Variants in RBMS2 observed in about 807,000 individuals in gnomAD.
RBMS2 encodes RNA binding motif single stranded interacting protein 2.
RBMS2 carries 38 observed loss-of-function variants against 58.4 expected under a neutral mutation model. The observed-to-expected ratio is 0.65, with a 90% CI of 0.50 to 0.85. The LOEUF (loss-of-function observed/expected upper bound fraction) is 0.85, where lower values mean the gene tolerates loss of function less well. Among genes scored for constraint, RBMS2 ranks in the 40% least tolerant of loss-of-function variants. The probability of loss-of-function intolerance (pLI) is 0.00; values close to 1 mark genes in which losing one functional copy is unlikely to be tolerated. For missense variants in RBMS2, 367 were observed against 503.7 expected (o/e 0.73, Z 2.60); for synonymous variants, 151 against 180.7 (o/e 0.84, Z 1.32).
chr12:56,574,195 A>G (rs1015834952), intron 5 of RBMS2, among the ~76,000 whole-genome samples: 1 of 152,194 alleles, frequency 6.6e-6, no homozygotes, highest in African/African-American at 2.4e-5. Context: ...CATGGTCCAT[A>G]CAGCTTAAGA....
chr12:56,568,826 G>C, intron 2 of RBMS2, 149 bp from the exon 3 acceptor site: 2 of 665,192 alleles, frequency 3.0e-6, no homozygotes, highest in Non-Finnish European at 5.0e-6. Context: ...TACTGCACCC[G>C]GCCCCCGTTT....
intron 1 of RBMS2, among the ~76,000 whole-genome samples, chr12:56,544,128 T>C (rs1193597175): frequency 6.6e-6 from 1 of 151,252 alleles, no homozygotes; most frequent in African/African-American, 2.4e-5. Flanking sequence ...ATACAAAAAT[T>C]AGCCAGGCGT....
intron 1 of RBMS2, among the ~76,000 whole-genome samples, chr12:56,559,416 G>A (rs1053303308): frequency 7.3e-5 from 11 of 151,184 alleles, no homozygotes; most frequent in African/African-American, 2.7e-4. Flanking sequence ...TCCATCTCCT[G>A]ACCTCGTGAT....
chr12:56,591,143 C>T lies in RBMS2; in HGVS notation c.*2010C>T, dbSNP rs968383878. 2.6e-5 allele frequency: 4 copies of T among 152,218 alleles called. No homozygotes were observed. Among genetic ancestry groups the T allele is most frequent in the African/African-American group, 9.7e-5 (4 of 41,430 alleles). The allele number at this position is 152,218 out of a possible 1,614,324, so 9.4% of individuals were successfully genotyped here. ...GAAAGGAGAATTTGACTCCCTTGCACTTCAAGGCCAGGTGCCTCTCCACTA... is the reference window on the plus strand; with the variant it reads ...GAAAGGAGAATTTGACTCCCTTGCATTTCAAGGCCAGGTGCCTCTCCACTA... On this transcript the variant is annotated 3_prime_UTR_variant, in exon 14 of 14. Transcript: ENST00000262031.
At chr12:56,551,577 T>C (rs1053508412) in intron 1 of RBMS2, among the ~76,000 whole-genome samples, 24 of 152,120 alleles carry the variant, frequency 1.6e-4, no homozygotes, top group African/African-American at 4.8e-4. Context: ...TCACATATAC[T>C]TGAGAAGGCT....
intron 1 of RBMS2, among the ~76,000 whole-genome samples, chr12:56,524,503 C>T (rs931700423): frequency 3.4e-4 from 51 of 151,558 alleles, no homozygotes; most frequent in African/African-American, 1.2e-3. Flanking sequence ...CTGCAGCCTC[C>T]GCCTCCCAGG....
At chr12:56,582,294 T>C (rs1884072699) in intron 9 of RBMS2, 142 bp downstream of exon 9, 2 of 730,410 alleles carry the variant, frequency 2.7e-6, no homozygotes, top group Non-Finnish European at 4.4e-6. Flanking sequence ...GCGTAAAAGA[T>C]GATCTGTGCA....
chr12:56,521,475 T>TA (rs1433668220), upstream of RBMS2, among the ~76,000 whole-genome samples: 1 of 144,020 alleles, frequency 6.9e-6, no homozygotes, highest in Non-Finnish European at 1.5e-5. Flanking sequence ...GGGGAAGCCC[T>TA]GAGCTTATCT....
At chr12:56,573,089 G>A in intron 5 of RBMS2, 2 of 967,018 alleles carry the variant, frequency 2.1e-6, no homozygotes, top group Non-Finnish European at 2.5e-6. Flanking sequence ...AAAATGACTG[G>A]ACTAAGTGAG....
chr12:56,575,969 C>T (rs1233885211), intron 5 of RBMS2, among the ~76,000 whole-genome samples: 6 of 151,842 alleles, frequency 4.0e-5, no homozygotes, highest in Non-Finnish European at 5.9e-5. Flanking sequence ...TACCCACAGT[C>T]AACTGAAAAT....
Position 56,595,597 on chromosome 12 carries a change from T to C in RBMS2, c.*6464T>C, listed in dbSNP as rs1885705451. 2.6e-5 allele frequency: 4 copies of C among 151,888 alleles called. No homozygotes were observed. Among genetic ancestry groups the C allele is most frequent in the African/African-American group, 9.7e-5 (4 of 41,328 alleles). The allele number at this position is 151,888 out of a possible 1,614,324, so 9.4% of individuals were successfully genotyped here. On this transcript the variant is annotated 3_prime_UTR_variant, in exon 14 of 14. Coordinates refer to ENST00000262031, the MANE Select transcript of RBMS2 (RefSeq NM_002898.4). ...TTTTTTTTTAAATAAAACACAAAAGTCTACGTCTTGGTGTCTTATCCGTGA... is the reference window on the plus strand; with the variant it reads ...TTTTTTTTTAAATAAAACACAAAAGCCTACGTCTTGGTGTCTTATCCGTGA...
rs1314685307 is a variant in RBMS2, at chr12:56,590,635, A to T, written c.*1502A>T. The T allele has an allele frequency of 6.6e-6, 1 of 152,212 alleles. No homozygotes were observed. The highest frequency in any genetic ancestry group is 1.5e-5 in the Non-Finnish European group (1 of 68,056). 9.4% of individuals were successfully genotyped at this position (152,212 alleles called of 1,614,324 possible). On this transcript the variant is annotated 3_prime_UTR_variant, in exon 14 of 14. Transcript: ENST00000262031. ...ACACTCATGCAACTGTTGGGGAAGG[A>T]CTGGACTGGGATCCTTGAATTCTCC... is the stretch of plus-strand genomic sequence containing the variant.
chr12:56,581,899 A>T lies in RBMS2; in HGVS notation c.779+20A>T. On this transcript the variant is annotated intron_variant, in intron 8 of 13. Transcript: ENST00000262031. ...GAATGGGTAAGGTTTTATATAATCAAGCCACCTGAAAATGATAATGGCCTG... is the reference window on the plus strand; with the variant it reads ...GAATGGGTAAGGTTTTATATAATCATGCCACCTGAAAATGATAATGGCCTG... 1.2e-6 allele frequency: 2 copies of T among 1,612,636 alleles called. No individual in the cohort carries two copies. The highest frequency in any genetic ancestry group is 2.2e-5 in the South Asian group (2 of 91,046).
intron 1 of RBMS2, among the ~76,000 whole-genome samples, chr12:56,528,602 T>C (rs1873121708): frequency 6.6e-6 from 1 of 152,042 alleles, no homozygotes; most frequent in Non-Finnish European, 1.5e-5. Context: ...CACAATGAGA[T>C]ACCACTTCAC....
chr12:56,577,221 C>T (rs961799015), intron 5 of RBMS2, among the ~76,000 whole-genome samples: 3 of 151,362 alleles, frequency 2.0e-5, no homozygotes, highest in East Asian at 1.9e-4. Flanking sequence ...CTGGTCAACT[C>T]GGTGAAACCC....
intron 1 of RBMS2, among the ~76,000 whole-genome samples, chr12:56,560,861 A>G (rs1880266432): frequency 6.6e-6 from 1 of 152,172 alleles, no homozygotes; most frequent in African/African-American, 2.4e-5. Flanking sequence ...GTTGTCACCC[A>G]GTTATTAAGC....
chr12:56,542,837 A>G (rs916476787), intron 1 of RBMS2, among the ~76,000 whole-genome samples: 3 of 151,466 alleles, frequency 2.0e-5, no homozygotes, highest in African/African-American at 7.3e-5. Context: ...GCCGTGAGCC[A>G]CCATACCTGG....
At chr12:56,566,775 G>A (rs947702865) in intron 2 of RBMS2, among the ~76,000 whole-genome samples, 14 of 151,930 alleles carry the variant, frequency 9.2e-5, no homozygotes, top group African/African-American at 2.2e-4. Context: ...CCGAGATCAC[G>A]CCACTGCACT....
In RBMS2 at chr12:56,595,518, C is replaced by T. The variant is rs1419927379; in HGVS notation, c.*6385C>T. ...ACTCCTTTTCTACCCCTGGTCTTTT[C>T]CTTGTCCTTCCCTACAACTTGGTAG... On this transcript the variant is annotated 3_prime_UTR_variant, in exon 14 of 14. Coordinates refer to ENST00000262031, the MANE Select transcript of RBMS2 (RefSeq NM_002898.4). 2 of 152,126 alleles carry T rather than the reference C, an allele frequency of 1.3e-5. No homozygotes were observed. Among genetic ancestry groups the T allele is most frequent in the Admixed American group, 6.5e-5 (1 of 15,270 alleles). The allele number at this position is 152,126 out of a possible 1,614,324, so 9.4% of individuals were successfully genotyped here.
Sources: allele counts gnomAD v4.1 joint callset (sites outside exome capture counted in the v4.1 genomes callset), GRCh38; gene constraint gnomAD v4.1.1; transcripts MANE v1.5; gene names NCBI Gene and HGNC (gene_info 2026-07-23, HGNC 2026-07-21).